The following PPP4R4 variants were observed in gnomAD, a reference collection of about 807,000 sequenced individuals.
PPP4R4 encodes protein phosphatase 4 regulatory subunit 4.
PPP4R4 carries 70 observed loss-of-function variants against 121.8 expected under a neutral mutation model. That is an observed-to-expected ratio of 0.57 (90% CI 0.47 to 0.70). The LOEUF (loss-of-function observed/expected upper bound fraction) is 0.70, where lower values mean the gene tolerates loss of function less well. Ranked by LOEUF, PPP4R4 falls within the 30% of genes least tolerant of loss-of-function variation. PPP4R4 has a pLI of 0.00. For missense variants in PPP4R4, 875 were observed against 1,033.6 expected (o/e 0.85, Z 2.10); for synonymous variants, 348 against 355.7 (o/e 0.98, Z 0.24).
chr14:94,271,648 T>A (rs562160949), intron 23 of PPP4R4, among the ~76,000 whole-genome samples: 61 of 152,232 alleles, frequency 4.0e-4, no homozygotes, highest in African/African-American at 1.4e-3. Context: ...ATACTGGAAG[T>A]TCTAGAAAAG....
At chr14:94,198,651 A>G (rs1890005413) in intron 2 of PPP4R4, among the ~76,000 whole-genome samples, 1 of 152,120 alleles carries the variant, frequency 6.6e-6, no homozygotes, top group Non-Finnish European at 1.5e-5. Flanking sequence ...GTTTTACATT[A>G]TTGGCTCTTA....
chr14:94,188,277 G>C (rs941078886), intron 2 of PPP4R4, among the ~76,000 whole-genome samples: 2 of 151,948 alleles, frequency 1.3e-5, no homozygotes, highest in African/African-American at 4.8e-5. Context: ...CTCATTCTTG[G>C]AATAAATCCT....
intron 3 of PPP4R4, among the ~76,000 whole-genome samples, chr14:94,229,613 A>G (rs1184405222): frequency 1.3e-5 from 2 of 152,202 alleles, no homozygotes; most frequent in Non-Finnish European, 2.9e-5. Context: ...AATGATTTAA[A>G]TCTTCATGAA....
intron 23 of PPP4R4, among the ~76,000 whole-genome samples, chr14:94,271,169 A>G (rs1894308882): frequency 6.6e-6 from 1 of 152,226 alleles, no homozygotes; most frequent in African/African-American, 2.4e-5. Context: ...ACCCTAACTC[A>G]TTCTGTGAGG....
intron 24 of PPP4R4, among the ~76,000 whole-genome samples, chr14:94,277,367 G>C (rs1480692560): frequency 6.6e-6 from 1 of 152,222 alleles, no homozygotes; most frequent in East Asian, 1.9e-4. Flanking sequence ...TGTGTGCCTC[G>C]TTCCCAGCAG....
intron 3 of PPP4R4, chr14:94,227,291 T>G (rs1160125812): frequency 1.2e-6 from 2 of 1,609,854 alleles, no homozygotes; most frequent in Non-Finnish European, 1.7e-6. Context: ...CCAAGGTCCA[T>G]GAGGATGCAC....
chr14:94,264,119 A>G (rs73344839), intron 19 of PPP4R4, among the ~76,000 whole-genome samples: 4,697 of 152,156 alleles, frequency 0.031, 197 homozygotes, highest in African/African-American at 0.09. Flanking sequence ...GAATTTGTAT[A>G]CCTATAATTT....
At chr14:94,244,998 A>G (rs1414386768) in intron 12 of PPP4R4, among the ~76,000 whole-genome samples, 1 of 152,062 alleles carries the variant, frequency 6.6e-6, no homozygotes, top group Admixed American at 6.6e-5. Context: ...TTTAATTTCA[A>G]TTACTGTTAC....
chr14:94,259,111 C>T (rs1252388886), intron 18 of PPP4R4, among the ~76,000 whole-genome samples, 184 bp from the exon 19 acceptor site: 1 of 152,138 alleles, frequency 6.6e-6, no homozygotes, highest in East Asian at 1.9e-4. Context: ...GAAAGACCCA[C>T]CCCCATAATT....
chr14:94,239,082 A>T (rs1321885006), intron 8 of PPP4R4, among the ~76,000 whole-genome samples: 1 of 151,904 alleles, frequency 6.6e-6, no homozygotes, highest in Non-Finnish European at 1.5e-5. Context: ...CTGATGCTCC[A>T]GTCCCACTTC....
At chr14:94,260,295 G>A (rs577966604) in intron 19 of PPP4R4, among the ~76,000 whole-genome samples, 7 of 151,998 alleles carry the variant, frequency 4.6e-5, no homozygotes, top group Non-Finnish European at 8.8e-5. Context: ...GCATGGTGGC[G>A]GGTTCCTGTA....
intron 3 of PPP4R4, among the ~76,000 whole-genome samples, 185 bp from the exon 4 acceptor site, chr14:94,230,402 G>T (rs193092517): frequency 6.6e-6 from 1 of 152,310 alleles, no homozygotes. Context: ...ATTTTATGTA[G>T]TGTAATGAGT....
chr14:94,249,353 C>T (rs1893061386), intron 14 of PPP4R4, among the ~76,000 whole-genome samples: 1 of 151,886 alleles, frequency 6.6e-6, no homozygotes, highest in Non-Finnish European at 1.5e-5. Context: ...GTGAATAGCT[C>T]ATATAAAATA....
chr14:94,223,813 G>A (rs1891544084), intron 3 of PPP4R4, among the ~76,000 whole-genome samples: 1 of 152,242 alleles, frequency 6.6e-6, no homozygotes, highest in Admixed American at 6.5e-5. Context: ...ATCTTAGAAT[G>A]AGATTAACCC....
At chr14:94,251,992 T>A (rs752256171) in intron 16 of PPP4R4, 96 bp downstream of exon 16, 2 of 1,121,658 alleles carry the variant, frequency 1.8e-6, no homozygotes, top group Admixed American at 2.9e-5. Flanking sequence ...AATTAAAAAC[T>A]TAAGTCAAGA....
chr14:94,207,392 A>G (rs1017965022), intron 2 of PPP4R4, among the ~76,000 whole-genome samples: 122 of 152,052 alleles, frequency 8.0e-4, no homozygotes, highest in African/African-American at 2.4e-3. Context: ...CTTACCGTAT[A>G]GCAACAGAAA....
At chr14:94,273,452 T>C (rs1462091205) in intron 23 of PPP4R4, among the ~76,000 whole-genome samples, 3 of 151,992 alleles carry the variant, frequency 2.0e-5, no homozygotes, top group African/African-American at 4.8e-5. Flanking sequence ...TTGTCAGGGG[T>C]TCGGGGGAAG....
At chr14:94,199,744 G>C (rs144865328) in intron 2 of PPP4R4, among the ~76,000 whole-genome samples, 5 of 152,306 alleles carry the variant, frequency 3.3e-5, no homozygotes, top group African/African-American at 1.2e-4. Flanking sequence ...CCTCATTCCG[G>C]GGGTTGATGG....
chr14:94,219,880 G>A (rs910057272), intron 3 of PPP4R4, among the ~76,000 whole-genome samples: 7 of 152,068 alleles, frequency 4.6e-5, no homozygotes, highest in African/African-American at 1.7e-4. Context: ...AGAATCTCTT[G>A]AGCCCAACAG....
Sources: allele counts gnomAD v4.1 joint callset (sites outside exome capture counted in the v4.1 genomes callset), GRCh38; gene constraint gnomAD v4.1.1; transcripts MANE v1.5; gene names NCBI Gene and HGNC (gene_info 2026-07-23, HGNC 2026-07-21).